NBAS: variants seen among roughly 807,000 people sequenced by gnomAD.
The protein encoded by NBAS is NBAS subunit of NRZ tethering complex, also known as NAG/BC035112 fusion.
A neutral mutation model predicts 302.5 loss-of-function variants in NBAS; 219 were observed. The observed-to-expected ratio is 0.72, with a 90% confidence interval of 0.65 to 0.81. The LOEUF is 0.81. Ranked by LOEUF, NBAS falls within the 30% of genes least tolerant of loss-of-function variation. The pLI is 0.00. For missense variants in NBAS, 2,932 were observed against 2,841.6 expected, an observed-to-expected ratio of 1.03 and a Z score of -0.72; for synonymous variants, 1,118 against 1,021.6, an observed-to-expected ratio of 1.09 and a Z score of -1.80.
rs373653996 is a variant in NBAS, at chr2:15,478,257, C to A, written c.1116G>T (p.Arg372Ser). 3.7e-6 allele frequency: 6 copies of A among 1,611,376 alleles called. No homozygotes were observed. In the African/African-American group the frequency reaches 8.0e-5, roughly 22 times the overall value. ...PGYDDLNPDW[R>S]LSTEKRKKIK... ...TTTTTTTTCTCTTCTCAGTAGAGAG[C>A]CTCCAATCAGGATTAAGGTCATCAT... is the stretch of plus-strand genomic sequence containing the variant. The change falls in exon 13 of 52, where the codon AGG becomes AGT. Residue 372 changes from arginine (R) to serine (S), a missense_variant. Arg to Ser is a moderately radical substitution (Grantham distance 110, BLOSUM62 -1). Transcript: ENST00000281513.
chr2:14,803,984 T>A, the NBAS span, among the ~76,000 whole-genome samples: 2 of 152,332 alleles, frequency 1.3e-5, no homozygotes, highest in East Asian at 3.9e-4. Flanking sequence ...GATAAGAAGC[T>A]AATTCTGATC....
chr2:15,318,050 T>C (rs1479842041), intron 38 of NBAS, among the ~76,000 whole-genome samples: 1 of 152,186 alleles, frequency 6.6e-6, no homozygotes, highest in Admixed American at 6.5e-5. Context: ...AGCAGATCTC[T>C]TGGAAGAAAC....
the NBAS span, among the ~76,000 whole-genome samples, chr2:14,903,518 C>A: frequency 1.3e-5 from 2 of 152,170 alleles, no homozygotes; most frequent in African/African-American, 4.8e-5. Flanking sequence ...ACTCCCACCA[C>A]TTTGAAGGAG....
At chr2:15,070,047 T>C in the NBAS span, among the ~76,000 whole-genome samples, 1 of 152,218 alleles carries the variant, frequency 6.6e-6, no homozygotes, top group African/African-American at 2.4e-5. Flanking sequence ...CAGTATACTT[T>C]ATTTTAAAAA....
the NBAS span, among the ~76,000 whole-genome samples, chr2:14,929,675 G>A: frequency 8.6e-5 from 13 of 151,502 alleles, no homozygotes; most frequent in Non-Finnish European, 1.9e-4. Flanking sequence ...ACCACTCCCA[G>A]TCCAACAGTA....
chr2:15,035,887 T>C, the NBAS span, among the ~76,000 whole-genome samples: 218 of 151,994 alleles, frequency 1.4e-3, no homozygotes, highest in Middle Eastern at 3.4e-3. Flanking sequence ...TCAAGAAAAA[T>C]ATCTAATGCA....
At chr2:15,443,303 C>A (rs576049357) in intron 21 of NBAS, among the ~76,000 whole-genome samples, 18 of 149,312 alleles carry the variant, frequency 1.2e-4, no homozygotes, top group African/African-American at 4.4e-4. Flanking sequence ...GCTTATCCAC[C>A]ATGATCAAGT....
At chr2:14,887,916 C>G in the NBAS span, among the ~76,000 whole-genome samples, 4 of 152,198 alleles carry the variant, frequency 2.6e-5, no homozygotes, top group Non-Finnish European at 5.9e-5. Flanking sequence ...AGAACACTCT[C>G]TCTTTACATG....
chr2:15,359,156 G>A (rs551730505), intron 32 of NBAS, among the ~76,000 whole-genome samples: 1 of 120,120 alleles, frequency 8.3e-6, no homozygotes, highest in South Asian at 2.7e-4. Flanking sequence ...CCCCCTTTTT[G>A]TTAAGTTGGT....
chr2:14,790,460 C>G, the NBAS span, among the ~76,000 whole-genome samples: 2 of 152,254 alleles, frequency 1.3e-5, no homozygotes, highest in African/African-American at 2.4e-5. Context: ...AAAGCCAAAA[C>G]TGTACTCTGA....
chr2:15,328,880 T>TG (rs1402613431), intron 36 of NBAS, among the ~76,000 whole-genome samples: 2 of 152,202 alleles, frequency 1.3e-5, no homozygotes, highest in Non-Finnish European at 2.9e-5. Context: ...GTGAGGGTCC[T>TG]GCCATGCCGA....
In NBAS at chr2:15,402,221, A is replaced by G; in HGVS notation, c.3018T>C (p.Asp1006=). ...LECIYTCERN[D]QLCLCYDLLE... is the part of the protein sequence containing the mutation. ...GTAGGTCATAGCAAAGACAGAGTTG[A>G]TCATTTCGTTCACAGGTATAGATGC... is the stretch of plus-strand genomic sequence containing the variant. Residue 1006 remains aspartate, a synonymous_variant, in exon 26 of 52, where the codon GAT becomes GAC. Coordinates refer to ENST00000281513, the MANE Select transcript of NBAS (RefSeq NM_015909.4). 1.2e-6 allele frequency: 2 copies of G among 1,613,668 alleles called. No homozygotes were observed. Among genetic ancestry groups the G allele is most frequent in the South Asian group, 2.2e-5 (2 of 91,072 alleles).
chr2:14,963,819 C>A, the NBAS span, among the ~76,000 whole-genome samples: 4 of 152,206 alleles, frequency 2.6e-5, no homozygotes, highest in African/African-American at 9.6e-5. Context: ...GCTTTGTGTA[C>A]TTTCGCTATA....
chr2:15,174,540 G>A lies in NBAS; in HGVS notation c.6840+4448C>T, dbSNP rs187492751. ...CAGTGTTCAGCTGGAGCCTGGGAGAGTAAGTGGGCTTAAAAAGGAAGCACA... is the reference window on the plus strand; with the variant it reads ...CAGTGTTCAGCTGGAGCCTGGGAGAATAAGTGGGCTTAAAAAGGAAGCACA... On this transcript the variant is annotated intron_variant, in intron 51 of 51. Coordinates refer to ENST00000281513, the MANE Select transcript of NBAS (RefSeq NM_015909.4). Among the ~76,000 whole-genome samples, 11 of 152,348 alleles carry A rather than the reference G, an allele frequency of 7.2e-5. No homozygotes were observed. In the East Asian group the frequency reaches 2.1e-3, roughly 29 times the overall value.
intron 44 of NBAS, among the ~76,000 whole-genome samples, chr2:15,242,479 A>G (rs1667907862): frequency 6.6e-6 from 1 of 152,150 alleles, no homozygotes; most frequent in Non-Finnish European, 1.5e-5. Flanking sequence ...TTATTACTAT[A>G]CTTTGTAAAA....
At chr2:15,349,908 G>A (rs1023881723) in intron 35 of NBAS, among the ~76,000 whole-genome samples, 2 of 152,172 alleles carry the variant, frequency 1.3e-5, no homozygotes, top group African/African-American at 4.8e-5. Flanking sequence ...AACAGTGCAG[G>A]TATGACATAT....
the NBAS span, among the ~76,000 whole-genome samples, chr2:14,923,824 T>C: frequency 1.3e-5 from 2 of 152,076 alleles, no homozygotes; most frequent in Non-Finnish European, 2.9e-5. Context: ...CTCTCTAAGT[T>C]GGGGATGGGG....
At chr2:15,538,899 G>A (rs902327863) in intron 7 of NBAS, among the ~76,000 whole-genome samples, 5 of 152,032 alleles carry the variant, frequency 3.3e-5, no homozygotes, top group South Asian at 2.1e-4. Flanking sequence ...GTAGGGTAAC[G>A]AATTCCAACT....
chr2:15,320,603 AACAG>A (rs1671754661), intron 38 of NBAS, among the ~76,000 whole-genome samples: 1 of 152,196 alleles, frequency 6.6e-6, no homozygotes, highest in African/African-American at 2.4e-5. Context: ...ACACACCAAT[AACAG>A]ACAAACAGAG....
Sources: gnomAD v4.1 joint callset for allele counts (sites outside exome capture counted in the v4.1 genomes callset) on GRCh38, gnomAD v4.1.1 for gene constraint, MANE v1.5 for transcripts, NCBI Gene and HGNC (gene_info 2026-07-23, HGNC 2026-07-21) for gene names.